Variants in INTS9 observed in about 807,000 individuals in gnomAD.
INTS9 encodes the protein protein related to CPSF subunits of 74 kDa.
INTS9 carries 55 observed loss-of-function variants against 79.7 expected under a neutral mutation model. That is an observed-to-expected ratio of 0.69 (90% CI 0.56 to 0.86). The LOEUF (loss-of-function observed/expected upper bound fraction) is 0.86, where lower values mean the gene tolerates loss of function less well. INTS9 is among the 40% of genes least tolerant of loss of function. The pLI, the probability that INTS9 is intolerant of heterozygous loss-of-function variation, is 0.00. For synonymous variants in INTS9, 319 were observed against 325.2 expected (o/e 0.98, Z 0.20); for missense variants, 721 against 831.5 (o/e 0.87, Z 1.64).
At chr8:28,866,290 T>C (rs1378874127) in intron 1 of INTS9, among the ~76,000 whole-genome samples, 2 of 152,200 alleles carry the variant, frequency 1.3e-5, no homozygotes, top group African/African-American at 4.8e-5. Flanking sequence ...ACAATTTGCA[T>C]GGTGAGCTCA....
intron 12 of INTS9, 136 bp from the exon 13 acceptor site, chr8:28,778,089 G>A: frequency 2.1e-6 from 2 of 936,962 alleles, no homozygotes; most frequent in Non-Finnish European, 3.0e-6. Context: ...GTGGGGGACG[G>A]AGGTCAAAGG....
At chr8:28,831,835 A>G (rs965315591) in intron 6 of INTS9, among the ~76,000 whole-genome samples, 1 of 152,178 alleles carries the variant, frequency 6.6e-6, no homozygotes, top group Non-Finnish European at 1.5e-5. Flanking sequence ...AGTAGCTGGA[A>G]CTACAGGTGC....
At chr8:28,833,678 GAAAA>G (rs546860163) in intron 6 of INTS9, among the ~76,000 whole-genome samples, 1 of 140,716 alleles carries the variant, frequency 7.1e-6, no homozygotes, top group Non-Finnish European at 1.6e-5. Flanking sequence ...AAAAGAAAAA[GAAAA>G]AAAAAAAGAA....
At position 28,770,001 on chromosome 8, in the gene INTS9, GTGGGC is replaced by G. The variant is rs1563235810; in HGVS notation, c.1683_1687del (p.Gln561HisfsTer12). ...CACCCGCTTTCTCTTCTTCCCGCTC[GTGGGC>G]TGGGCGGGCCGAGGAGGGGGCTAGA... On this transcript the variant is annotated frameshift_variant, in exon 16 of 17. Transcript: ENST00000521022. LOFTEE classifies it high-confidence loss of function. The G allele has an allele frequency of 6.2e-7, 1 of 1,614,106 alleles. No individual in the cohort carries two copies. Among genetic ancestry groups the G allele is most frequent in the African/African-American group, 1.3e-5 (1 of 75,054 alleles).
intron 2 of INTS9, among the ~76,000 whole-genome samples, chr8:28,857,485 A>C (rs1014902543): frequency 1.3e-5 from 2 of 148,554 alleles, no homozygotes; most frequent in Admixed American, 1.3e-4. Context: ...GCTGAAGGGG[A>C]AAAACGAATT....
chr8:28,838,239 G>A (rs1806930789), intron 4 of INTS9, among the ~76,000 whole-genome samples: 1 of 151,728 alleles, frequency 6.6e-6, no homozygotes, highest in South Asian at 2.1e-4. Context: ...GAGACAACTT[G>A]TTTTGCTTTT....
Position 28,774,111 on chromosome 8 carries a change from C to T in INTS9, c.1563+1648G>A, listed in dbSNP as rs115732838. On this transcript the variant is annotated intron_variant, in intron 14 of 16. Transcript: ENST00000521022. ...TACAGGAGTGAGCTACCATGCCTGG[C>T]TGAAATATCTTAAATGATATAATGT... 3.4e-3 allele frequency among the ~76,000 whole-genome samples: 510 copies of T among 152,236 alleles called. 1 individual carries two copies. Among genetic ancestry groups the T allele is most frequent in the African/African-American group, 0.012 (492 of 41,520 alleles).
chr8:28,822,790 T>C (rs1351622054), intron 6 of INTS9, among the ~76,000 whole-genome samples: 1 of 152,196 alleles, frequency 6.6e-6, no homozygotes, highest in Non-Finnish European at 1.5e-5. Context: ...GTATCTAATG[T>C]AGATTTCTAT....
At chr8:28,777,398 G>A (rs561872643) in intron 13 of INTS9, among the ~76,000 whole-genome samples, 73 of 152,256 alleles carry the variant, frequency 4.8e-4, no homozygotes, top group African/African-American at 1.7e-3. Context: ...CAGAAAATGT[G>A]AAGTGAAACA....
At chr8:28,826,951 A>G (rs1264797809) in intron 6 of INTS9, among the ~76,000 whole-genome samples, 3 of 152,102 alleles carry the variant, frequency 2.0e-5, no homozygotes, top group African/African-American at 7.2e-5. Context: ...ATCCTCTTTT[A>G]TTCTTTCTAG....
chr8:28,768,351 C>T lies in INTS9; in HGVS notation c.1801-29G>A, dbSNP rs376960833. 54 of 1,602,764 alleles carry T rather than the reference C, an allele frequency of 3.4e-5. No homozygotes were observed. The African/African-American group carries it at 4.3e-4, about 13-fold the overall frequency. The stretch of plus-strand genomic sequence containing the variant: ...CTCCAGAAGAAAAGAAAGAGGTGGG[C>T]TGGGCAGACTGCACATCTGTGAGAT... On this transcript the variant is annotated intron_variant, in intron 16 of 16. Coordinates refer to ENST00000521022, the MANE Select transcript of INTS9 (RefSeq NM_018250.4).
At chr8:28,887,904 A>G (rs957146708) in intron 1 of INTS9, among the ~76,000 whole-genome samples, 1 of 152,356 alleles carries the variant, frequency 6.6e-6, no homozygotes, top group Non-Finnish European at 1.5e-5. Context: ...TAAATTAAGC[A>G]GGAGGATTTT....
chr8:28,867,724 T>C (rs1240680325), intron 1 of INTS9, among the ~76,000 whole-genome samples: 4 of 152,044 alleles, frequency 2.6e-5, no homozygotes, highest in Non-Finnish European at 5.9e-5. Context: ...AGTCTGTTTT[T>C]TTTTTTTTGC....
intron 1 of INTS9, among the ~76,000 whole-genome samples, chr8:28,884,117 A>AT (rs889216942): frequency 6.0e-4 from 73 of 121,718 alleles, no homozygotes; most frequent in African/African-American, 1.4e-3. Context: ...GGTAAGCCAG[A>AT]TTTTTTTTTT....
At chr8:28,831,564 T>A (rs1040218355) in intron 6 of INTS9, among the ~76,000 whole-genome samples, 6 of 152,308 alleles carry the variant, frequency 3.9e-5, no homozygotes, top group Admixed American at 1.3e-4. Flanking sequence ...CTCCGTAATG[T>A]AGGTGGCACT....
At chr8:28,870,108 A>G (rs1424386156) in intron 1 of INTS9, among the ~76,000 whole-genome samples, 1 of 152,136 alleles carries the variant, frequency 6.6e-6, no homozygotes, top group Non-Finnish European at 1.5e-5. Context: ...CACGTTAAGA[A>G]GTAATTATAG....
chr8:28,818,791 T>G (rs1292477284), intron 6 of INTS9, among the ~76,000 whole-genome samples: 6 of 151,878 alleles, frequency 4.0e-5, no homozygotes, highest in South Asian at 4.2e-4. Flanking sequence ...CTGGACTCTT[T>G]TTGGTTGGTA....
intron 6 of INTS9, among the ~76,000 whole-genome samples, chr8:28,821,030 C>T (rs1325846422): frequency 6.6e-6 from 1 of 152,102 alleles, no homozygotes; most frequent in African/African-American, 2.4e-5. Flanking sequence ...CTTAAAATTC[C>T]ACTTCCCATT....
rs1810367370 is a variant in INTS9 at position 28,888,924 on chromosome 8, AG to A, written c.9+949del. On this transcript the variant is annotated intron_variant, in intron 1 of 16. Coordinates refer to ENST00000521022, the MANE Select transcript of INTS9 (RefSeq NM_018250.4). ...AAAAAATAAACTTTTTTTTTTTTTG[AG>A]ACAGAGTCTCGCGCTGTTGCAAGGC... 2.0e-5 allele frequency among the ~76,000 whole-genome samples: 3 copies of A among 150,916 alleles called. No homozygotes were observed. The East Asian group carries it at 5.8e-4, about 29-fold the overall frequency.
Sources: gnomAD v4.1 joint callset for allele counts (sites outside exome capture counted in the v4.1 genomes callset) on GRCh38, gnomAD v4.1.1 for gene constraint, MANE v1.5 for transcripts, NCBI Gene and HGNC (gene_info 2026-07-23, HGNC 2026-07-21) for gene names.